Variants in KCNQ1 observed in about 807,000 individuals in gnomAD.
KCNQ1 encodes potassium voltage-gated channel subfamily KQT member 1.
In KCNQ1, 49 loss-of-function variants were observed where a neutral mutation model predicts 72.4. The ratio of observed to expected loss-of-function variants is 0.68; its 90% CI spans 0.54 to 0.86. The LOEUF is 0.86. Among genes scored for constraint, KCNQ1 ranks in the 40% least tolerant of loss-of-function variants. The probability of loss-of-function intolerance (pLI) is 0.00; values close to 1 mark genes in which losing one functional copy is unlikely to be tolerated. For missense variants in KCNQ1, 790 were observed against 945.1 expected, an observed-to-expected ratio of 0.84 and a Z score of 2.15; for synonymous variants, 450 against 412.6, an observed-to-expected ratio of 1.09 and a Z score of -1.10.
intron 11 of KCNQ1, among the ~76,000 whole-genome samples, chr11:2,729,064 C>T (rs1339175248): frequency 6.6e-6 from 1 of 152,234 alleles, no homozygotes; most frequent in African/African-American, 2.4e-5. Context: ...ATGTAGCACA[C>T]TCCCACCCCC....
chr11:2,739,369 C>T (rs1028329981), intron 11 of KCNQ1, among the ~76,000 whole-genome samples: 4 of 152,198 alleles, frequency 2.6e-5, no homozygotes, highest in East Asian at 1.9e-4. Context: ...CATGTGCACC[C>T]GGCAGTTGTT....
At chr11:2,511,975 G>A (rs779981566) in intron 1 of KCNQ1, among the ~76,000 whole-genome samples, 20 of 152,372 alleles carry the variant, frequency 1.3e-4, no homozygotes, top group East Asian at 3.9e-4. Context: ...CAGAGGAAGC[G>A]TGAGCATTTG....
In KCNQ1 at chr11:2,769,855, A is replaced by G. The variant is rs1159789335; in HGVS notation, c.1590+936A>G. On this transcript the variant is annotated intron_variant, in intron 12 of 15. Transcript: ENST00000155840. This position sits in a 1 kb window ranked among gnomAD's most constrained non-coding sequence, Gnocchi z 4.6. ...CCCCTGGCACCTCAGCCACAGCCTC[A>G]CCAGTCATAAGGCACAGCCCAGGAA... Among the ~76,000 whole-genome samples, 3 of 151,732 alleles carry G rather than the reference A, an allele frequency of 2.0e-5. No individual in the cohort carries two copies. The highest frequency in any genetic ancestry group is 4.4e-5 in the Non-Finnish European group (3 of 67,908).
chr11:2,509,359 T>A lies in KCNQ1; in HGVS notation c.387-18569T>A, dbSNP rs1389278638. Among the ~76,000 whole-genome samples the A allele has an allele frequency of 2.0e-5, 3 of 152,186 alleles. No individual in the cohort carries two copies. Among genetic ancestry groups the A allele is most frequent in the African/African-American group, 4.8e-5 (2 of 41,440 alleles). On this transcript the variant is annotated intron_variant, in intron 1 of 15. Coordinates refer to ENST00000155840, the MANE Select transcript of KCNQ1 (RefSeq NM_000218.3). This position sits in a 1 kb window ranked among gnomAD's most constrained non-coding sequence, Gnocchi z 6.3. ...TTCAAGTTCAGCATCTCTGCACCCC[T>A]TGCCTGGCAAACCCCATCTTCCTGT...
intron 11 of KCNQ1, among the ~76,000 whole-genome samples, chr11:2,763,402 G>GAAA (rs60011808): frequency 1.4e-5 from 2 of 141,240 alleles, no homozygotes; most frequent in Non-Finnish European, 3.1e-5. Context: ...CATCTTAGAA[G>GAAA]AAAAAAAAAA....
rs1371881231 is a variant in KCNQ1, at chr11:2,627,019, G to C, written c.1394-34942G>C. 2.5e-6 allele frequency: 1 copy of C among 398,408 alleles called. No individual in the cohort carries two copies. The highest frequency in any genetic ancestry group is 4.4e-6 in the Non-Finnish European group (1 of 226,050). The allele number at this position is 398,408 out of a possible 1,614,324, so 24.7% of individuals were successfully genotyped here. A position where few individuals can be genotyped will look rare whatever the true frequency, so the allele number is the denominator to read the frequency against. ...TTTGTAGATTGTTTTGTGTGGTACT[G>C]ACACCTTAACAATATTGGCCTTCCA... On this transcript the variant is annotated intron_variant, in intron 10 of 15. Coordinates refer to ENST00000155840, the MANE Select transcript of KCNQ1 (RefSeq NM_000218.3). The surrounding 1 kb of genome is among the most constrained non-coding windows in gnomAD (Gnocchi z 4.9).
rs1437584946 is a variant in KCNQ1, at chr11:2,599,598, G to A, written c.1393+10744G>A. 6.6e-6 allele frequency among the ~76,000 whole-genome samples: 1 copy of A among 152,188 alleles called. No individual in the cohort carries two copies. Among genetic ancestry groups the A allele is most frequent in the African/African-American group, 2.4e-5 (1 of 41,436 alleles). ...TACCACAGGCTGGGTGGCTTAGACAGCAGACATGTATTTCTCACAATTCTG... is the reference window on the plus strand; with the variant it reads ...TACCACAGGCTGGGTGGCTTAGACAACAGACATGTATTTCTCACAATTCTG... On this transcript the variant is annotated intron_variant, in intron 10 of 15. Coordinates refer to ENST00000155840, the MANE Select transcript of KCNQ1 (RefSeq NM_000218.3). The surrounding 1 kb of genome is among the most constrained non-coding windows in gnomAD (Gnocchi z 4.7).
rs1334411474 is a variant in KCNQ1, at chr11:2,608,517, C to A, written c.1393+19663C>A. On this transcript the variant is annotated intron_variant, in intron 10 of 15. Transcript: ENST00000155840. This position sits in a 1 kb window ranked among gnomAD's most constrained non-coding sequence, Gnocchi z 4.6. ...GAGAAACAGAGTCTCTCTCTGTTGC[C>A]CAGGCTGGAATAGAGTGGTGTAATC... 6 of 398,288 alleles carry A rather than the reference C, an allele frequency of 1.5e-5. No individual in the cohort carries two copies. Among genetic ancestry groups the A allele is most frequent in the South Asian group, 2.5e-4 (2 of 7,848 alleles). The allele number at this position is 398,288 out of a possible 1,614,324, so 24.7% of individuals were successfully genotyped here.
chr11:2,643,054 T>C (rs1422638609), intron 10 of KCNQ1: 3 of 397,892 alleles, frequency 7.5e-6, no homozygotes, highest in Non-Finnish European at 1.3e-5. Flanking sequence ...TATATATATA[T>C]TTAAAATCAT....
rs543367852 is a variant in KCNQ1, at chr11:2,577,681, C to T, written c.921+4695C>T. ...TTTACCCTGAGAGTTTGCCAGCCTG[C>T]TGGCTTGTTCCCCCACCCCCACCTG... is the stretch of plus-strand genomic sequence containing the variant. On this transcript the variant is annotated intron_variant, in intron 6 of 15. Transcript: ENST00000155840. Among the ~76,000 whole-genome samples, 4 of 152,346 alleles carry T rather than the reference C, an allele frequency of 2.6e-5. No individual in the cohort carries two copies. The East Asian group carries it at 5.8e-4, about 22-fold the overall frequency.
In KCNQ1 at chr11:2,835,343, A is replaced by T. The variant is rs573716836; in HGVS notation, c.1795-12424A>T. Reference sequence around the variant, plus strand: ...GGGGTTCTGCTCCCATATTCCTCACACCCAGCACAGAACCCAGCATGTCTC... The same window carrying T: ...GGGGTTCTGCTCCCATATTCCTCACTCCCAGCACAGAACCCAGCATGTCTC... On this transcript the variant is annotated intron_variant, in intron 15 of 15. Coordinates refer to ENST00000155840, the MANE Select transcript of KCNQ1 (RefSeq NM_000218.3). 3.3e-5 allele frequency among the ~76,000 whole-genome samples: 5 copies of T among 151,998 alleles called. No individual in the cohort carries two copies. The South Asian group carries it at 1.0e-3, about 32-fold the overall frequency.
chr11:2,839,172 A>C (rs1848150541), intron 15 of KCNQ1, among the ~76,000 whole-genome samples: 2 of 150,532 alleles, frequency 1.3e-5, no homozygotes, highest in South Asian at 4.2e-4. Context: ...GGGCTTCCCC[A>C]CCCCCTCCCA....
At chr11:2,499,876 C>T (rs1198840975) in intron 1 of KCNQ1, among the ~76,000 whole-genome samples, 26 of 152,206 alleles carry the variant, frequency 1.7e-4, no homozygotes, top group Admixed American at 1.6e-3. Flanking sequence ...TACACATTCT[C>T]CTCAGCACAT....
At position 2,467,122 on chromosome 11, in the gene KCNQ1, G is replaced by A. The variant is rs571166087; in HGVS notation, c.386+21638G>A. Among the ~76,000 whole-genome samples, 7 of 152,212 alleles carry A rather than the reference G, an allele frequency of 4.6e-5. No individual in the cohort carries two copies. The South Asian group carries it at 1.5e-3, about 32-fold the overall frequency. ...GAGCAAGCTGTGGCTGGAGAGCCGG[G>A]CAGGGTTGGTCAGCAGGTCCGAGGG... On this transcript the variant is annotated intron_variant, in intron 1 of 15. Coordinates refer to ENST00000155840, the MANE Select transcript of KCNQ1 (RefSeq NM_000218.3).
Position 2,611,374 on chromosome 11 carries a change from C to T in KCNQ1, c.1393+22520C>T. 1 of 397,350 alleles carries T rather than the reference C, an allele frequency of 2.5e-6. No individual in the cohort carries two copies. The highest frequency in any genetic ancestry group is 2.1e-5 in the African/African-American group (1 of 48,706). The allele number at this position is 397,350 out of a possible 1,614,324, so 24.6% of individuals were successfully genotyped here. A position where few individuals can be genotyped will look rare whatever the true frequency, so the allele number is the denominator to read the frequency against. ...AGCTGGGACTACAGGCATTTGCCACCATACCCAGCTAATTTTTAGTAGAGA... is the reference window on the plus strand; with the variant it reads ...AGCTGGGACTACAGGCATTTGCCACTATACCCAGCTAATTTTTAGTAGAGA... On this transcript the variant is annotated intron_variant, in intron 10 of 15. Transcript: ENST00000155840. The surrounding 1 kb of genome is among the most constrained non-coding windows in gnomAD (Gnocchi z 5.3).
At chr11:2,574,570 C>T (rs1007102148) in intron 6 of KCNQ1, among the ~76,000 whole-genome samples, 6 of 152,158 alleles carry the variant, frequency 3.9e-5, no homozygotes, top group African/African-American at 7.2e-5. Flanking sequence ...TGCTGGCTCT[C>T]GGGACCCCCC....
chr11:2,556,012 GC>G (rs1848064499), intron 2 of KCNQ1, among the ~76,000 whole-genome samples: 1 of 152,220 alleles, frequency 6.6e-6, no homozygotes, highest in South Asian at 2.1e-4. Flanking sequence ...GCCAGCTGCA[GC>G]CCCCTGCCTG....
rs1334483855 is a variant in KCNQ1, at chr11:2,446,147, A to T, written c.386+663A>T. On this transcript the variant is annotated intron_variant, in intron 1 of 15. Coordinates refer to ENST00000155840, the MANE Select transcript of KCNQ1 (RefSeq NM_000218.3). The surrounding 1 kb of genome is among the most constrained non-coding windows in gnomAD (Gnocchi z 8.8). Reference sequence around the variant, plus strand: ...TCCCGGAGAAAGCAGCGCTGGTAGCAGAGGCACCTGGCCCCCCTGTTACCA... The same window carrying T: ...TCCCGGAGAAAGCAGCGCTGGTAGCTGAGGCACCTGGCCCCCCTGTTACCA... 6.6e-6 allele frequency among the ~76,000 whole-genome samples: 1 copy of T among 152,220 alleles called. No homozygotes were observed. The highest frequency in any genetic ancestry group is 6.5e-5 in the Admixed American group (1 of 15,282).
chr11:2,571,249 G>T, intron 3 of KCNQ1, 76 bp from the exon 4 acceptor site: 1 of 1,241,022 alleles, frequency 8.1e-7, no homozygotes. Flanking sequence ...CCCCAGACGA[G>T]AGCAGGGTGT....
Sources: gnomAD v4.1 joint callset for allele counts (sites outside exome capture counted in the v4.1 genomes callset) on GRCh38, gnomAD v4.1.1 for gene constraint, Gnocchi (gnomAD v3.1) non-coding constraint, MANE v1.5 for transcripts, NCBI Gene and HGNC (gene_info 2026-07-23, HGNC 2026-07-21) for gene names.